Variants in SDK1 observed in about 807,000 individuals in gnomAD.
SDK1 encodes sidekick cell adhesion molecule 1, also known as protein sidekick-1.
In SDK1, 157 loss-of-function variants were observed where a neutral mutation model predicts 245.5. The observed-to-expected ratio is 0.64, with a 90% CI of 0.56 to 0.73. The LOEUF (loss-of-function observed/expected upper bound fraction) is 0.73, where lower values mean the gene tolerates loss of function less well. Among genes scored for constraint, SDK1 ranks in the 30% least tolerant of loss-of-function variants. The pLI is 0.00. For missense variants in SDK1, 3,583 were observed against 3,002.3 expected (o/e 1.19, Z -4.52); for synonymous variants, 1,647 against 1,278.5 (o/e 1.29, Z -6.15).
At chr7:3,739,358 T>A (rs1431308917) in intron 4 of SDK1, among the ~76,000 whole-genome samples, 1 of 152,230 alleles carries the variant, frequency 6.6e-6, no homozygotes, top group African/African-American at 2.4e-5. Context: ...TTTACTTCAT[T>A]ATTTCTTCAA....
At chr7:3,896,713 T>A (rs1464156508) in intron 5 of SDK1, among the ~76,000 whole-genome samples, 1 of 152,172 alleles carries the variant, frequency 6.6e-6, no homozygotes, top group Non-Finnish European at 1.5e-5. Flanking sequence ...CTGCTTCACA[T>A]ATTTTGTCTG....
intron 4 of SDK1, among the ~76,000 whole-genome samples, chr7:3,702,899 A>G (rs1331405081): frequency 1.3e-5 from 2 of 150,682 alleles, no homozygotes; most frequent in East Asian, 1.9e-4. Context: ...ATCACTAGCT[A>G]TTAGAACAGC....
chr7:3,789,768 A>G (rs529533122), intron 4 of SDK1, among the ~76,000 whole-genome samples: 1 of 152,300 alleles, frequency 6.6e-6, no homozygotes, highest in African/African-American at 2.4e-5. Context: ...GAGGCTGTAG[A>G]TGAGATGGCT....
intron 1 of SDK1, among the ~76,000 whole-genome samples, chr7:3,483,056 A>G (rs113464228): frequency 1.3e-5 from 2 of 152,138 alleles, no homozygotes; most frequent in African/African-American, 4.8e-5. Context: ...AAAATGTTCA[A>G]ATTTTTTCAT....
At chr7:4,158,098 G>A (rs1210694256) in intron 30 of SDK1, among the ~76,000 whole-genome samples, 1 of 152,202 alleles carries the variant, frequency 6.6e-6, no homozygotes, top group African/African-American at 2.4e-5. Flanking sequence ...GGTTGGCACT[G>A]CCTCCCCGAG....
intron 1 of SDK1, among the ~76,000 whole-genome samples, chr7:3,606,537 G>A (rs1289439240): frequency 6.6e-6 from 1 of 152,070 alleles, no homozygotes. Flanking sequence ...CGCACTCACT[G>A]CACTTCATCC....
chr7:3,845,243 G>C (rs539921855), intron 5 of SDK1, among the ~76,000 whole-genome samples: 2 of 152,200 alleles, frequency 1.3e-5, no homozygotes, highest in Admixed American at 6.5e-5. Flanking sequence ...CACCTTCCCA[G>C]CACTTTGAGA....
chr7:3,933,308 T>C (rs1237068141), intron 5 of SDK1, among the ~76,000 whole-genome samples: 1 of 151,980 alleles, frequency 6.6e-6, no homozygotes, highest in East Asian at 1.9e-4. Context: ...ATACAGAGTT[T>C]TACCATGTTG....
intron 1 of SDK1, among the ~76,000 whole-genome samples, chr7:3,456,024 C>CAG (rs1780654301): frequency 1.3e-5 from 2 of 152,148 alleles, no homozygotes; most frequent in Non-Finnish European, 2.9e-5. Context: ...GGTTGACAGT[C>CAG]CTTTTCTTTC....
chr7:3,795,280 C>T (rs1235302251), intron 4 of SDK1, among the ~76,000 whole-genome samples: 1 of 152,046 alleles, frequency 6.6e-6, no homozygotes, highest in African/African-American at 2.4e-5. Flanking sequence ...CCCTTAGAGG[C>T]ATGTTGGATA....
In SDK1 at chr7:4,245,761, A is replaced by C. The variant is rs1367075424; in HGVS notation, c.6337A>C (p.Ser2113Arg). The change falls in exon 44 of 45, where the codon AGC becomes CGC. Residue 2113 changes from serine (S) to arginine (R), a missense_variant. Coordinates refer to ENST00000404826, the MANE Select transcript of SDK1 (RefSeq NM_152744.4). ...GTACAACGGCGCCGTGCTGACCGAG[A>C]GCGTGAGCCTCAAGGAGAAGTCGGC... ...NKYNGAVLTE[S>R]VSLKEKSADA... 1.2e-6 allele frequency: 2 copies of C among 1,613,852 alleles called. No individual in the cohort carries two copies. Among genetic ancestry groups the C allele is most frequent in the Admixed American group, 1.7e-5 (1 of 60,004 alleles).
At chr7:4,225,175 A>G (rs1371857918) in intron 40 of SDK1, among the ~76,000 whole-genome samples, 1 of 151,920 alleles carries the variant, frequency 6.6e-6, no homozygotes, top group Non-Finnish European at 1.5e-5. Flanking sequence ...ATCCCTGCCC[A>G]TGTCCCAGTT....
intron 2 of SDK1, among the ~76,000 whole-genome samples, chr7:3,620,296 C>T (rs918745882): frequency 1.1e-4 from 12 of 106,758 alleles, no homozygotes; most frequent in Non-Finnish European, 1.9e-4. Context: ...AGAATGCTTA[C>T]AGCATTTTTT....
In SDK1 at chr7:3,717,285, A is replaced by G. The variant is rs73672155; in HGVS notation, c.713+75180A>G. Among the ~76,000 whole-genome samples, 744 of 152,334 alleles carry G rather than the reference A, an allele frequency of 4.9e-3. 6 individuals are homozygous for G. Among genetic ancestry groups the G allele is most frequent in the African/African-American group, 0.017 (718 of 41,574 alleles). On this transcript the variant is annotated intron_variant, in intron 4 of 44. Coordinates refer to ENST00000404826, the MANE Select transcript of SDK1 (RefSeq NM_152744.4). ...AAGGAATCAAACTAGAAATTAACAGAGAGATAACAGGAAAACTTTAAACAT... is the reference window on the plus strand; with the variant it reads ...AAGGAATCAAACTAGAAATTAACAGGGAGATAACAGGAAAACTTTAAACAT...
chr7:3,424,513 T>G (rs1779622067), intron 1 of SDK1, among the ~76,000 whole-genome samples: 1 of 152,210 alleles, frequency 6.6e-6, no homozygotes, highest in African/African-American at 2.4e-5. Context: ...ATGAGAAATT[T>G]GAAGATATGT....
intron 4 of SDK1, among the ~76,000 whole-genome samples, chr7:3,782,098 GT>G (rs1780763899): frequency 6.6e-6 from 1 of 152,178 alleles, no homozygotes; most frequent in African/African-American, 2.4e-5. Context: ...CCAAGACTGG[GT>G]AATTTATGAG....
At chr7:3,835,250 A>G (rs1450500544) in intron 5 of SDK1, among the ~76,000 whole-genome samples, 1 of 152,204 alleles carries the variant, frequency 6.6e-6, no homozygotes, top group Admixed American at 6.5e-5. Flanking sequence ...GTGCCCGAAG[A>G]TAGAAGGCGT....
At chr7:3,551,595 A>G (rs959993567) in intron 1 of SDK1, among the ~76,000 whole-genome samples, 1 of 151,502 alleles carries the variant, frequency 6.6e-6, no homozygotes, top group Non-Finnish European at 1.5e-5. Context: ...AATTAAAACC[A>G]CTGAAAAATA....
At chr7:3,507,931 C>A (rs766923222) in intron 1 of SDK1, among the ~76,000 whole-genome samples, 4 of 152,154 alleles carry the variant, frequency 2.6e-5, no homozygotes, top group African/African-American at 9.7e-5. Flanking sequence ...AAACCTATCT[C>A]GGTCTTAATC....
Sources: gnomAD v4.1 joint callset for allele counts (sites outside exome capture counted in the v4.1 genomes callset) on GRCh38, gnomAD v4.1.1 for gene constraint, MANE v1.5 for transcripts, NCBI Gene and HGNC (gene_info 2026-07-23, HGNC 2026-07-21) for gene names.